NUFIP1: variants seen among roughly 807,000 people sequenced by gnomAD.
The protein encoded by NUFIP1 is FMR1-interacting protein NUFIP1.
In NUFIP1, 38 loss-of-function variants were observed where a neutral mutation model predicts 56.2. That is an observed-to-expected ratio of 0.68 (90% confidence interval 0.52 to 0.89). The LOEUF (loss-of-function observed/expected upper bound fraction) is 0.89. Ranked by LOEUF, NUFIP1 falls within the 40% of genes least tolerant of loss-of-function variation. The pLI, the probability that NUFIP1 is intolerant of heterozygous loss-of-function variation, is 0.00. For synonymous variants in NUFIP1, 215 were observed against 212.4 expected (o/e 1.01, Z -0.10); for missense variants, 567 against 605.8 (o/e 0.94, Z 0.67).
At chr13:44,962,860 A>T (rs1230185140) in intron 6 of NUFIP1, among the ~76,000 whole-genome samples, 1 of 152,212 alleles carries the variant, frequency 6.6e-6, no homozygotes, top group African/African-American at 2.4e-5. Flanking sequence ...ATTGTGTTAC[A>T]ACTGGATACA....
intron 9 of NUFIP1, among the ~76,000 whole-genome samples, chr13:44,942,033 G>T (rs575626381): frequency 6.6e-6 from 1 of 151,256 alleles, no homozygotes; most frequent in Admixed American, 6.6e-5. Context: ...TCAGCCTCCC[G>T]AGTAGCTGGG....
At chr13:44,949,947 TA>T in intron 7 of NUFIP1, 109 bp from the exon 8 acceptor site, 1 of 757,530 alleles carries the variant, frequency 1.3e-6, no homozygotes, top group Non-Finnish European at 2.3e-6. Flanking sequence ...ATCATTTCCT[TA>T]ATCTTTCCAA....
intron 6 of NUFIP1, among the ~76,000 whole-genome samples, chr13:44,959,861 T>C (rs1404216265): frequency 6.6e-6 from 1 of 152,112 alleles, no homozygotes; most frequent in Non-Finnish European, 1.5e-5. Flanking sequence ...TGTGTCGTAT[T>C]ATCATTAAAG....
intron 5 of NUFIP1, among the ~76,000 whole-genome samples, chr13:44,971,855 A>G (rs1348056652): frequency 1.3e-5 from 2 of 152,158 alleles, no homozygotes; most frequent in African/African-American, 4.8e-5. Context: ...CTCCGGTGCA[A>G]CAAGAGACAG....
intron 5 of NUFIP1, among the ~76,000 whole-genome samples, chr13:44,966,524 A>T (rs995216943): frequency 2.0e-5 from 3 of 151,970 alleles, no homozygotes; most frequent in African/African-American, 7.2e-5. Flanking sequence ...CATGTTGGCC[A>T]AACTGGTCTT....
intron 7 of NUFIP1, among the ~76,000 whole-genome samples, chr13:44,951,217 G>A (rs1036817498): frequency 6.6e-6 from 1 of 152,168 alleles, no homozygotes; most frequent in Non-Finnish European, 1.5e-5. Context: ...TGTTAGTATG[G>A]AGACTTCCCA....
intron 2 of NUFIP1, 142 bp from the exon 3 acceptor site, chr13:44,980,962 C>T: frequency 3.6e-6 from 2 of 555,540 alleles, no homozygotes; most frequent in Non-Finnish European, 6.2e-6. Context: ...AGTATATTTC[C>T]AATGAAGAGA....
chr13:44,968,683 A>C lies in NUFIP1; in HGVS notation c.735-2747T>G, dbSNP rs568803590. The stretch of plus-strand genomic sequence containing the variant: ...CTCACAGCTACTCAACACCCTCCAC[A>C]ATTCTCAAATTTACTTATTACTTAA... On this transcript the variant is annotated intron_variant, in intron 5 of 9. Transcript: ENST00000379161. 2.6e-5 allele frequency among the ~76,000 whole-genome samples: 4 copies of C among 152,296 alleles called. No homozygotes were observed. In the South Asian group the frequency reaches 8.3e-4, roughly 32 times the overall value.
chr13:44,955,444 G>A (rs760472236), intron 7 of NUFIP1, among the ~76,000 whole-genome samples: 18 of 152,220 alleles, frequency 1.2e-4, no homozygotes, highest in Non-Finnish European at 2.6e-4. Flanking sequence ...TCTAGAACTT[G>A]AGTCTTGTTT....
rs552579789 is a variant in NUFIP1 at position 44,973,023 on chromosome 13, C to T, written c.734+6167G>A. ...AAAGGTTGCTGAGATTTCTTGCTAACATTAGAAAATCAAACTAGTCTTCTA... is the reference window on the plus strand; with the variant it reads ...AAAGGTTGCTGAGATTTCTTGCTAATATTAGAAAATCAAACTAGTCTTCTA... On this transcript the variant is annotated intron_variant, in intron 5 of 9. Coordinates refer to ENST00000379161, the MANE Select transcript of NUFIP1 (RefSeq NM_012345.3). Among the ~76,000 whole-genome samples, 4 of 152,322 alleles carry T rather than the reference C, an allele frequency of 2.6e-5. No individual in the cohort carries two copies. In the East Asian group the frequency reaches 5.8e-4, roughly 22 times the overall value.
Position 44,961,052 on chromosome 13 carries a change from G to GAAA in NUFIP1, c.828-1481_828-1479dup, listed in dbSNP as rs975537873. Reference sequence around the variant, plus strand: ...CGGGCAAAGTAAGACTCTGTCTCCAGAAAAAAAAAAAAAAAAAAAAGAAAG... The same window carrying GAAA: ...CGGGCAAAGTAAGACTCTGTCTCCAGAAAAAAAAAAAAAAAAAAAAAAAGAAAG... On this transcript the variant is annotated intron_variant, in intron 6 of 9. Transcript: ENST00000379161. 7.5e-5 allele frequency among the ~76,000 whole-genome samples: 4 copies of GAAA among 53,566 alleles called. No homozygotes were observed. In the South Asian group the frequency reaches 2.3e-3, roughly 31 times the overall value. The allele number at this position is 53,566 out of a possible 152,430, so 35.1% of individuals were successfully genotyped here.
chr13:44,983,940 T>C (rs964771872), intron 1 of NUFIP1, among the ~76,000 whole-genome samples: 1 of 152,142 alleles, frequency 6.6e-6, no homozygotes, highest in African/African-American at 2.4e-5. Flanking sequence ...ATGAGCCAAA[T>C]AAATTTCTGT....
chr13:44,944,027 A>C (rs1406939837), intron 8 of NUFIP1, among the ~76,000 whole-genome samples: 2 of 152,204 alleles, frequency 1.3e-5, no homozygotes, highest in African/African-American at 4.8e-5. Flanking sequence ...CATTGGCAAA[A>C]TTTTAAAACT....
chr13:44,969,425 A>T (rs929631323), intron 5 of NUFIP1, among the ~76,000 whole-genome samples: 2 of 152,192 alleles, frequency 1.3e-5, no homozygotes, highest in Admixed American at 6.5e-5. Context: ...AAAAACATAA[A>T]TTATGTCTTA....
At chr13:44,948,361 C>G (rs1870966341) in intron 8 of NUFIP1, among the ~76,000 whole-genome samples, 1 of 151,962 alleles carries the variant, frequency 6.6e-6, no homozygotes, top group Admixed American at 6.6e-5. Context: ...AGGCTGCTCT[C>G]GAACTCCTGA....
chr13:44,972,948 T>C (rs563806790), intron 5 of NUFIP1, among the ~76,000 whole-genome samples: 23 of 152,350 alleles, frequency 1.5e-4, no homozygotes, highest in African/African-American at 1.4e-4. Context: ...AACTAAACTA[T>C]TGTCAAGAAG....
chr13:44,979,105 T>C lies in NUFIP1; in HGVS notation c.734+85A>G, dbSNP rs201990365. 185 of 1,082,878 alleles carry C rather than the reference T, an allele frequency of 1.7e-4. 1 individual carries two copies. The East Asian group carries it at 4.3e-3, about 25-fold the overall frequency. 67.1% of individuals were successfully genotyped at this position (1,082,878 alleles called of 1,614,324 possible). On this transcript the variant is annotated intron_variant, in intron 5 of 9. Coordinates refer to ENST00000379161, the MANE Select transcript of NUFIP1 (RefSeq NM_012345.3). Reference sequence around the variant, plus strand: ...TGGTCCTCTTCCCTAGTTCCAACATTCTAAGGGAATTCAATGAATTTAACT... The same window carrying C: ...TGGTCCTCTTCCCTAGTTCCAACATCCTAAGGGAATTCAATGAATTTAACT...
intron 5 of NUFIP1, among the ~76,000 whole-genome samples, chr13:44,974,092 T>C (rs1235599963): frequency 3.9e-5 from 6 of 152,226 alleles, no homozygotes; most frequent in Non-Finnish European, 7.3e-5. Flanking sequence ...AAGAAACATA[T>C]GCATATTGAA....
intron 5 of NUFIP1, among the ~76,000 whole-genome samples, chr13:44,966,247 TAA>T (rs1871597277): frequency 6.6e-6 from 1 of 152,184 alleles, no homozygotes; most frequent in Non-Finnish European, 1.5e-5. Context: ...CATGTACCCA[TAA>T]ATACTGTAAA....
Sources: allele counts gnomAD v4.1 joint callset (sites outside exome capture counted in the v4.1 genomes callset), GRCh38; gene constraint gnomAD v4.1.1; transcripts MANE v1.5; gene names NCBI Gene and HGNC (gene_info 2026-07-23, HGNC 2026-07-21).